BANK1: variants seen among roughly 807,000 people sequenced by gnomAD.
The protein encoded by BANK1 is B cell scaffold protein with ankyrin repeats 1.
BANK1 carries 95 observed loss-of-function variants against 94.5 expected under a neutral mutation model. The observed-to-expected ratio is 1.00, with a 90% CI of 0.85 to 1.19. The LOEUF (loss-of-function observed/expected upper bound fraction) is 1.19. Among genes scored for constraint, BANK1 ranks in the 50% most tolerant of loss-of-function variants. The pLI, the probability that BANK1 is intolerant of heterozygous loss-of-function variation, is 0.00. For missense variants in BANK1, 987 were observed against 932.2 expected (o/e 1.06, Z -0.77); for synonymous variants, 334 against 308.4 (o/e 1.08, Z -0.87).
intron 13 of BANK1, among the ~76,000 whole-genome samples, chr4:102,069,144 G>T (rs1207065348): frequency 6.6e-6 from 1 of 152,168 alleles, no homozygotes; most frequent in Non-Finnish European, 1.5e-5. Flanking sequence ...ATTAAGGAAA[G>T]AAGAAGGGCT....
intron 7 of BANK1, among the ~76,000 whole-genome samples, chr4:101,920,326 A>G (rs1722962239): frequency 6.6e-6 from 1 of 151,994 alleles, no homozygotes; most frequent in South Asian, 2.1e-4. Context: ...CATATGTAAG[A>G]AACCTGTGTG....
Position 102,007,062 on chromosome 4 carries a change from AT to A in BANK1, c.1207-14451del, listed in dbSNP as rs1428478790. ...GTAAATATATATATATATAAAATAT[AT>A]AATTTTATATATATATAAATATATA... On this transcript the variant is annotated intron_variant, in intron 7 of 16. Coordinates refer to ENST00000322953, the MANE Select transcript of BANK1 (RefSeq NM_017935.5). 1.5e-4 allele frequency among the ~76,000 whole-genome samples: 17 copies of A among 114,582 alleles called. No individual in the cohort carries two copies. In the East Asian group the frequency reaches 3.6e-3, roughly 24 times the overall value. 75.2% of individuals were successfully genotyped at this position (114,582 alleles called of 152,430 possible). A position where few individuals can be genotyped will look rare whatever the true frequency, so the allele number is the denominator to read the frequency against.
intron 2 of BANK1, among the ~76,000 whole-genome samples, chr4:101,850,266 T>TTTGG (rs1727423349): frequency 6.6e-6 from 1 of 151,150 alleles, no homozygotes; most frequent in African/African-American, 2.4e-5. Context: ...TGTTTGTTTG[T>TTTGG]TTGGTTGGTT....
chr4:102,020,086 T>A (rs1326429506), intron 7 of BANK1, among the ~76,000 whole-genome samples: 1 of 152,122 alleles, frequency 6.6e-6, no homozygotes. Flanking sequence ...ACAGTGATTT[T>A]GAGCTCATAA....
intron 7 of BANK1, among the ~76,000 whole-genome samples, chr4:102,006,153 A>G (rs6532982): frequency 0.072 from 11,014 of 152,076 alleles, 715 homozygotes; most frequent in African/African-American, 0.17. Flanking sequence ...AATCCTTGAA[A>G]CAACCCAAAG....
intron 1 of BANK1, chr4:101,813,787 TG>T: frequency 1.2e-6 from 1 of 819,928 alleles, no homozygotes; most frequent in South Asian, 5.6e-5. Flanking sequence ...CTTCTGCGGG[TG>T]GTAGGAGACA....
In BANK1 at chr4:102,070,515, G is replaced by A. The variant is rs375792664; in HGVS notation, c.2213-760G>A. Among the ~76,000 whole-genome samples the A allele has an allele frequency of 1.5e-3, 227 of 152,310 alleles. 1 individual carries two copies. The highest frequency in any genetic ancestry group is 3.4e-3 in the Middle Eastern group (1 of 294). ...TGGAAGTTGATTACCAATTTCAAGT[G>A]TTTTTATCTGATTGGGAAATTGCCT... is the stretch of plus-strand genomic sequence containing the variant. On this transcript the variant is annotated intron_variant, in intron 13 of 16. Coordinates refer to ENST00000322953, the MANE Select transcript of BANK1 (RefSeq NM_017935.5).
rs867339091 is a variant in BANK1 at position 101,978,892 on chromosome 4, A to G, written c.1207-42622A>G. Among the ~76,000 whole-genome samples, 21 of 152,218 alleles carry G rather than the reference A, an allele frequency of 1.4e-4. No individual in the cohort carries two copies. In the Middle Eastern group the frequency reaches 0.01, roughly 74 times the overall value. ...TTAAGATACTGTGATATTTGTTTTTATCAATGTAATGATACATCCTTTAAG... is the reference window on the plus strand; with the variant it reads ...TTAAGATACTGTGATATTTGTTTTTGTCAATGTAATGATACATCCTTTAAG... On this transcript the variant is annotated intron_variant, in intron 7 of 16. Transcript: ENST00000322953.
At chr4:101,902,520 G>C (rs1016288119) in intron 6 of BANK1, among the ~76,000 whole-genome samples, 3 of 152,148 alleles carry the variant, frequency 2.0e-5, no homozygotes, top group African/African-American at 7.2e-5. Flanking sequence ...TATTTTTAAA[G>C]TAGATGATTT....
chr4:102,010,673 A>G (rs1307725368), intron 7 of BANK1, among the ~76,000 whole-genome samples: 4 of 152,166 alleles, frequency 2.6e-5, no homozygotes, highest in African/African-American at 4.8e-5. Context: ...GATTACAGGC[A>G]TGAGCCACCA....
intron 6 of BANK1, among the ~76,000 whole-genome samples, chr4:101,914,402 A>G (rs1169192856): frequency 6.6e-6 from 1 of 152,150 alleles, no homozygotes; most frequent in Non-Finnish European, 1.5e-5. Flanking sequence ...AGGAGCAAAG[A>G]AAATAAGGCA....
intron 13 of BANK1, among the ~76,000 whole-genome samples, chr4:102,063,844 A>G (rs1000106839): frequency 6.6e-6 from 1 of 151,832 alleles, no homozygotes; most frequent in Non-Finnish European, 1.5e-5. Context: ...AAGAAATGAA[A>G]TGATTAAAGA....
At chr4:101,852,503 T>TAC (rs77031530) in intron 2 of BANK1, among the ~76,000 whole-genome samples, 94 of 80,164 alleles carry the variant, frequency 1.2e-3, no homozygotes, top group South Asian at 2.8e-3. Flanking sequence ...TATATATATA[T>TAC]ACACACACAC....
At chr4:102,000,997 C>T (rs1299310803) in intron 7 of BANK1, among the ~76,000 whole-genome samples, 1 of 152,022 alleles carries the variant, frequency 6.6e-6, no homozygotes, top group Non-Finnish European at 1.5e-5. Flanking sequence ...TGATCTGAGC[C>T]GTCACAGCGA....
At chr4:101,889,159 C>T (rs1409056703) in intron 5 of BANK1, among the ~76,000 whole-genome samples, 2 of 151,542 alleles carry the variant, frequency 1.3e-5, no homozygotes, top group Non-Finnish European at 2.9e-5. Flanking sequence ...TTTTCAAGGA[C>T]TTGGTTCATT....
chr4:101,888,585 T>C (rs1728938939), intron 5 of BANK1, among the ~76,000 whole-genome samples: 1 of 152,232 alleles, frequency 6.6e-6, no homozygotes, highest in Non-Finnish European at 1.5e-5. Flanking sequence ...AATGTAAAGA[T>C]CTAAGTTAGA....
At chr4:102,025,557 T>C (rs770218900) in intron 9 of BANK1, 48 bp downstream of exon 9, 3 of 1,562,272 alleles carry the variant, frequency 1.9e-6, no homozygotes, top group Non-Finnish European at 2.6e-6. Flanking sequence ...GACAAATCTT[T>C]GACAGGCTTA....
At chr4:101,817,894 C>T (rs998869347) in intron 1 of BANK1, among the ~76,000 whole-genome samples, 4 of 151,252 alleles carry the variant, frequency 2.6e-5, no homozygotes, top group Admixed American at 6.6e-5. Flanking sequence ...ATATGTGGCC[C>T]GAGACAATTC....
chr4:101,922,105 T>A (rs774970669), intron 7 of BANK1, among the ~76,000 whole-genome samples: 1 of 151,332 alleles, frequency 6.6e-6, no homozygotes, highest in Non-Finnish European at 1.5e-5. Flanking sequence ...CAGGCCCTAA[T>A]CTTTTTCAGA....
Sources: allele counts gnomAD v4.1 joint callset (sites outside exome capture counted in the v4.1 genomes callset), GRCh38; gene constraint gnomAD v4.1.1; transcripts MANE v1.5; gene names NCBI Gene and HGNC (gene_info 2026-07-23, HGNC 2026-07-21).